Variants in NOS1 observed in about 807,000 individuals in gnomAD.
The protein encoded by NOS1 is NOS type I.
Under a neutral mutation model 164.5 loss-of-function variants are expected in NOS1, and 51 were observed. That is an observed-to-expected ratio of 0.31 (90% CI 0.25 to 0.39). The LOEUF (loss-of-function observed/expected upper bound fraction) is 0.39. NOS1 is among the 10% of genes least tolerant of loss of function. The pLI is 1.00. For synonymous variants in NOS1, 719 were observed against 745.8 expected (o/e 0.96, Z 0.59); for missense variants, 1,362 against 1,885.6 (o/e 0.72, Z 5.14).
intron 1 of NOS1, among the ~76,000 whole-genome samples, chr12:117,351,082 C>G (rs1566087459): frequency 2.0e-5 from 3 of 151,708 alleles, no homozygotes; most frequent in Non-Finnish European, 2.9e-5. Flanking sequence ...CCACTGCACT[C>G]CAGCCTGGGC....
At chr12:117,268,548 A>G (rs539442926) in intron 10 of NOS1, among the ~76,000 whole-genome samples, 166 of 147,600 alleles carry the variant, frequency 1.1e-3, no homozygotes, top group African/African-American at 4.1e-3. Context: ...TTCTTAATTA[A>G]TTAATCAACT....
chr12:117,333,710 C>T (rs564420223), intron 1 of NOS1, among the ~76,000 whole-genome samples: 83 of 152,316 alleles, frequency 5.4e-4, no homozygotes, highest in Non-Finnish European at 8.2e-4. Flanking sequence ...ATGCGTCGCC[C>T]GCGTGCTGTG....
In NOS1 at chr12:117,330,323, C is replaced by G; in HGVS notation, c.725+22G>C. ...ATGCACACACACACACACACACACA[C>G]ACACACCCCTGTGGAGCTTACCTGT... is the stretch of plus-strand genomic sequence containing the variant. On this transcript the variant is annotated intron_variant, in intron 2 of 28. Coordinates refer to ENST00000317775, the MANE Select transcript of NOS1 (RefSeq NM_000620.5). This position sits in a 1 kb window ranked among gnomAD's most constrained non-coding sequence, Gnocchi z 4.6. The G allele has an allele frequency of 6.3e-7, 1 of 1,596,050 alleles. No homozygotes were observed. The highest frequency in any genetic ancestry group is 1.3e-5 in the African/African-American group (1 of 74,782).
chr12:117,282,560 C>T (rs980478643), intron 7 of NOS1, among the ~76,000 whole-genome samples: 1 of 152,140 alleles, frequency 6.6e-6, no homozygotes, highest in Non-Finnish European at 1.5e-5. Flanking sequence ...TTTCTGAGCA[C>T]GGTTTTTAGG....
intron 17 of NOS1, among the ~76,000 whole-genome samples, chr12:117,248,658 C>G (rs919744136): frequency 6.6e-6 from 1 of 152,060 alleles, no homozygotes; most frequent in Non-Finnish European, 1.5e-5. Flanking sequence ...AATAAACATA[C>G]GTGTGCATAT....
At chr12:117,256,716 G>A (rs953790688) in intron 16 of NOS1, among the ~76,000 whole-genome samples, 1 of 152,112 alleles carries the variant, frequency 6.6e-6, no homozygotes, top group Non-Finnish European at 1.5e-5. Flanking sequence ...GCAGCTCAGC[G>A]TGCACACACC....
intron 12 of NOS1, among the ~76,000 whole-genome samples, chr12:117,264,585 T>G (rs553597370): frequency 7.4e-6 from 1 of 134,266 alleles, no homozygotes; most frequent in South Asian, 2.8e-4. Context: ...CCTTCCTTCT[T>G]TTCCTTCCTT....
chr12:117,240,656 T>C (rs1870089207), intron 20 of NOS1, among the ~76,000 whole-genome samples: 1 of 152,174 alleles, frequency 6.6e-6, no homozygotes, highest in African/African-American at 2.4e-5. Context: ...GTTAGAATTA[T>C]AAAAGATCCT....
rs758044019 is a variant in NOS1, at chr12:117,243,469, T to C, written c.2824-34A>G. The C allele has an allele frequency of 1.9e-5, 31 of 1,610,038 alleles. No homozygotes were observed. Among genetic ancestry groups the C allele is most frequent in the Admixed American group, 3.3e-5 (2 of 59,762 alleles). On this transcript the variant is annotated intron_variant, in intron 18 of 28. Transcript: ENST00000317775. The surrounding 1 kb of genome is among the most constrained non-coding windows in gnomAD (Gnocchi z 4.3). ...TACACAAGGCTTTCAGTGACCTCTT[T>C]CAGCCAAGCGGATCTCCTCTCCAAC...
At chr12:117,227,006 A>G (rs1300923644) in intron 23 of NOS1, among the ~76,000 whole-genome samples, 1 of 151,976 alleles carries the variant, frequency 6.6e-6, no homozygotes, top group Non-Finnish European at 1.5e-5. Context: ...ATCCTTCCCT[A>G]TTGAAGGGTG....
At chr12:117,241,225 A>C (rs1442226110) in intron 20 of NOS1, among the ~76,000 whole-genome samples, 1 of 152,036 alleles carries the variant, frequency 6.6e-6, no homozygotes, top group Non-Finnish European at 1.5e-5. Context: ...GGTGTGAGCC[A>C]CCGTGCCTGG....
At chr12:117,284,913 T>C (rs1425906356) in intron 7 of NOS1, among the ~76,000 whole-genome samples, 3 of 151,332 alleles carry the variant, frequency 2.0e-5, no homozygotes, top group Non-Finnish European at 4.4e-5. Context: ...TAGCTGGGTG[T>C]GGTGGCGGGT....
chr12:117,216,336 C>G (rs989512732), intron 28 of NOS1, among the ~76,000 whole-genome samples: 3 of 151,856 alleles, frequency 2.0e-5, no homozygotes, highest in Non-Finnish European at 1.5e-5. Flanking sequence ...GCACCTGCCA[C>G]GACGCTCGGC....
chr12:117,303,682 A>C (rs1873971928), intron 3 of NOS1, among the ~76,000 whole-genome samples: 1 of 152,166 alleles, frequency 6.6e-6, no homozygotes, highest in South Asian at 2.1e-4. Context: ...TCCATCCCCA[A>C]ACAGGGCACA....
At chr12:117,315,448 G>A (rs761535008) in intron 2 of NOS1, among the ~76,000 whole-genome samples, 2 of 152,046 alleles carry the variant, frequency 1.3e-5, no homozygotes, top group Non-Finnish European at 2.9e-5. Flanking sequence ...TCCTGGCCTC[G>A]AGTGATCCAC....
intron 1 of NOS1, among the ~76,000 whole-genome samples, chr12:117,357,446 C>A (rs1389934940): frequency 6.6e-6 from 1 of 152,174 alleles, no homozygotes; most frequent in African/African-American, 2.4e-5. Flanking sequence ...CCGGCATTTA[C>A]GGGGCTTGTA....
Position 117,222,824 on chromosome 12 carries a change from C to T in NOS1, c.3866G>A (p.Arg1289Gln), listed in dbSNP as rs199524143. The T allele has an allele frequency of 1.3e-5, 21 of 1,613,758 alleles. No individual in the cohort carries two copies. Among genetic ancestry groups the T allele is most frequent in the Non-Finnish European group, 1.7e-5 (20 of 1,179,990 alleles). Reference sequence around the variant, plus strand: ...GTAGATATGATCTATCTTGGATTGCCGGCACCCGAAGACCAGGACCATGGG... The same window carrying T: ...GTAGATATGATCTATCTTGGATTGCTGGCACCCGAAGACCAGGACCATGGG... ...PCPMVLVFGC[R>Q]QSKIDHIYRE... is the part of the protein sequence containing the mutation. Residue 1289 changes from arginine (R) to glutamine (Q), a missense_variant, in exon 26 of 29, where the codon CGG (arginine) becomes CAG (glutamine). Physicochemically the swap from Arg to Gln is conservative, Grantham distance 43. Around this residue, in one of 4 missense-constraint regions of NOS1, gnomAD observed 737 missense variants for 1,030.3 expected, o/e 0.72. Coordinates refer to ENST00000317775, the MANE Select transcript of NOS1 (RefSeq NM_000620.5).
intron 1 of NOS1, among the ~76,000 whole-genome samples, chr12:117,355,558 C>T (rs1330398916): frequency 2.6e-5 from 4 of 152,034 alleles, no homozygotes; most frequent in East Asian, 1.9e-4. Context: ...CCCAACAAAA[C>T]AATGCCCCCA....
rs970251205 is a variant in NOS1 at position 117,211,926 on chromosome 12, G to A, written c.*3383C>T. 27 of 664,662 alleles carry A rather than the reference G, an allele frequency of 4.1e-5. No individual in the cohort carries two copies. Among genetic ancestry groups the A allele is most frequent in the Non-Finnish European group, 4.7e-5 (25 of 537,226 alleles). 41.2% of individuals were successfully genotyped at this position (664,662 alleles called of 1,614,324 possible). Reference sequence around the variant, plus strand: ...CTAAAAATACAAAACTTAGCTGGGCGTGGTGGTAGGCGCCTGTAGTCCCAG... The same window carrying A: ...CTAAAAATACAAAACTTAGCTGGGCATGGTGGTAGGCGCCTGTAGTCCCAG... On this transcript the variant is annotated 3_prime_UTR_variant, in exon 29 of 29. Transcript: ENST00000317775.
Sources: allele counts gnomAD v4.1 joint callset (sites outside exome capture counted in the v4.1 genomes callset), GRCh38; gene constraint gnomAD v4.1.1; regional missense constraint gnomAD v4.1.1; non-coding constraint Gnocchi (gnomAD v3.1); transcripts MANE v1.5; gene names NCBI Gene and HGNC (gene_info 2026-07-23, HGNC 2026-07-21).